Variants in AHCYL2 observed in about 807,000 individuals in gnomAD.
AHCYL2 encodes S-adenosylhomocysteine hydrolase-like protein 2.
Under a neutral mutation model 81.4 loss-of-function variants are expected in AHCYL2, and 28 were observed. The ratio of observed to expected loss-of-function variants is 0.34; its 90% CI spans 0.25 to 0.47. The LOEUF (loss-of-function observed/expected upper bound fraction) is 0.47. AHCYL2 is among the 20% of genes least tolerant of loss of function. The probability of loss-of-function intolerance (pLI) is 1.00; values close to 1 mark genes in which losing one functional copy is unlikely to be tolerated. For missense variants in AHCYL2, 551 were observed against 785.1 expected (o/e 0.70, Z 3.56); for synonymous variants, 272 against 290.2 (o/e 0.94, Z 0.64).
At chr7:129,360,854 C>T (rs1793909315) in intron 1 of AHCYL2, among the ~76,000 whole-genome samples, 1 of 152,018 alleles carries the variant, frequency 6.6e-6, no homozygotes, top group African/African-American at 2.4e-5. Context: ...TAAGGAGTTT[C>T]AATTTTATTT....
At chr7:129,275,472 A>C (rs1796168786) in intron 1 of AHCYL2, among the ~76,000 whole-genome samples, 1 of 152,224 alleles carries the variant, frequency 6.6e-6, no homozygotes, top group South Asian at 2.1e-4. Context: ...AAGTCTATGC[A>C]GTTTGTAAGA....
chr7:129,237,416 T>A (rs745697538), intron 1 of AHCYL2, among the ~76,000 whole-genome samples: 8 of 152,254 alleles, frequency 5.3e-5, no homozygotes, highest in Non-Finnish European at 1.0e-4. Flanking sequence ...TCTTAACTCT[T>A]AGTTTACATG....
intron 1 of AHCYL2, among the ~76,000 whole-genome samples, chr7:129,255,802 A>G (rs1584711048): frequency 6.6e-6 from 1 of 151,498 alleles, no homozygotes; most frequent in Non-Finnish European, 1.5e-5. Context: ...TGTCTCTACT[A>G]AAAAAAATAC....
chr7:129,288,109 A>AT (rs1399445496), intron 1 of AHCYL2, among the ~76,000 whole-genome samples: 1 of 152,160 alleles, frequency 6.6e-6, no homozygotes, highest in South Asian at 2.1e-4. Flanking sequence ...ATAAATGTAT[A>AT]TTTTTTCAGT....
intron 1 of AHCYL2, among the ~76,000 whole-genome samples, chr7:129,252,931 G>A (rs951026019): frequency 1.1e-4 from 16 of 152,254 alleles, no homozygotes; most frequent in South Asian, 2.1e-4. Flanking sequence ...AAAGGTAGCC[G>A]GGCACGGTGG....
At position 129,349,686 on chromosome 7, in the gene AHCYL2, T is replaced by C. The variant is rs572727529; in HGVS notation, c.364-29952T>C. ...AAAAAAAAAAAAGCGTATGCCAACC[T>C]GATTCCATATAGAACAGCCATGGTT... On this transcript the variant is annotated intron_variant, in intron 1 of 16. Coordinates refer to ENST00000325006, the MANE Select transcript of AHCYL2 (RefSeq NM_015328.4). Among the ~76,000 whole-genome samples, 3 of 146,178 alleles carry C rather than the reference T, an allele frequency of 2.1e-5. No individual in the cohort carries two copies. In the East Asian group the frequency reaches 6.0e-4, roughly 29 times the overall value.
chr7:129,352,204 TG>T (rs1756149464), intron 1 of AHCYL2, among the ~76,000 whole-genome samples: 1 of 152,202 alleles, frequency 6.6e-6, no homozygotes, highest in Non-Finnish European at 1.5e-5. Context: ...AGAGAGACCA[TG>T]GTTATTCAGG....
intron 1 of AHCYL2, among the ~76,000 whole-genome samples, chr7:129,263,260 A>G (rs1024869647): frequency 3.3e-5 from 5 of 152,202 alleles, no homozygotes; most frequent in African/African-American, 1.2e-4. Flanking sequence ...TATCTGAGAC[A>G]TTTTCTCTTG....
chr7:129,418,352 T>C (rs1171195178), intron 12 of AHCYL2, among the ~76,000 whole-genome samples: 1 of 152,118 alleles, frequency 6.6e-6, no homozygotes, highest in Non-Finnish European at 1.5e-5. Flanking sequence ...CAGGCTGGAG[T>C]GCAGTGGTGC....
At chr7:129,281,344 G>C (rs1024868041) in intron 1 of AHCYL2, among the ~76,000 whole-genome samples, 4 of 151,996 alleles carry the variant, frequency 2.6e-5, no homozygotes, top group Non-Finnish European at 5.9e-5. Context: ...CAAGGCTTTG[G>C]TATTAGGATA....
At chr7:129,351,718 C>T (rs1793570721) in intron 1 of AHCYL2, 1 of 152,192 alleles carries the variant, frequency 6.6e-6, no homozygotes, top group South Asian at 2.1e-4. Flanking sequence ...CACCAGACCT[C>T]ACAGTGGTCT....
intron 3 of AHCYL2, 106 bp downstream of exon 3, chr7:129,389,305 A>G: frequency 7.3e-7 from 1 of 1,363,268 alleles, no homozygotes. Context: ...TTTCTATGTG[A>G]TAAGAATACT....
At chr7:129,271,042 A>T (rs1284100753) in intron 1 of AHCYL2, among the ~76,000 whole-genome samples, 1 of 152,104 alleles carries the variant, frequency 6.6e-6, no homozygotes, top group Non-Finnish European at 1.5e-5. Context: ...GGCCACACCA[A>T]ATCTCACAGC....
chr7:129,234,877 A>G (rs1330324474), intron 1 of AHCYL2, among the ~76,000 whole-genome samples: 1 of 151,950 alleles, frequency 6.6e-6, no homozygotes, highest in Non-Finnish European at 1.5e-5. Context: ...CACTTGCCCT[A>G]TTGTCTCCCA....
At chr7:129,333,196 A>C (rs1798480765) in intron 1 of AHCYL2, among the ~76,000 whole-genome samples, 1 of 151,634 alleles carries the variant, frequency 6.6e-6, no homozygotes, top group Admixed American at 6.6e-5. Flanking sequence ...GGGGCCAGGC[A>C]CGGTGGCTCA....
intron 6 of AHCYL2, among the ~76,000 whole-genome samples, chr7:129,400,809 A>T (rs1028324897): frequency 6.6e-6 from 1 of 152,176 alleles, no homozygotes; most frequent in African/African-American, 2.4e-5. Flanking sequence ...TTGTAATGTT[A>T]GTCAGGACTA....
chr7:129,333,685 C>T (rs1798499635), intron 1 of AHCYL2, among the ~76,000 whole-genome samples: 1 of 152,134 alleles, frequency 6.6e-6, no homozygotes, highest in Non-Finnish European at 1.5e-5. Flanking sequence ...ATCAGATACA[C>T]CAATCCTCAG....
At chr7:129,276,301 G>A (rs1267120257) in intron 1 of AHCYL2, among the ~76,000 whole-genome samples, 2 of 151,686 alleles carry the variant, frequency 1.3e-5, no homozygotes, top group African/African-American at 4.8e-5. Flanking sequence ...AAAAGCCAAA[G>A]GGAAATTTAC....
At chr7:129,374,807 C>CAA (rs35477492) in intron 1 of AHCYL2, among the ~76,000 whole-genome samples, 59 of 84,888 alleles carry the variant, frequency 7.0e-4, no homozygotes, top group African/African-American at 1.1e-3. Context: ...AACTCCATCT[C>CAA]AAAAAAAAAA....
Sources: allele counts gnomAD v4.1 joint callset (sites outside exome capture counted in the v4.1 genomes callset), GRCh38; gene constraint gnomAD v4.1.1; transcripts MANE v1.5; gene names NCBI Gene and HGNC (gene_info 2026-07-23, HGNC 2026-07-21).